PLCL1: variants seen among roughly 807,000 people sequenced by gnomAD.
PLCL1 encodes the protein phospholipase C like 1 (inactive).
Under a neutral mutation model 84.4 loss-of-function variants are expected in PLCL1, and 41 were observed. The ratio of observed to expected loss-of-function variants is 0.49; its 90% CI spans 0.38 to 0.63. The LOEUF is 0.63. Among genes scored for constraint, PLCL1 ranks in the 30% least tolerant of loss-of-function variants. PLCL1 has a pLI of 0.00. For synonymous variants in PLCL1, 490 were observed against 488.3 expected, an observed-to-expected ratio of 1.00 and a Z score of -0.05; for missense variants, 1,206 against 1,367.8, an observed-to-expected ratio of 0.88 and a Z score of 1.87.
intron 1 of PLCL1, among the ~76,000 whole-genome samples, chr2:198,060,994 A>G (rs980156649): frequency 3.3e-5 from 5 of 152,186 alleles, no homozygotes; most frequent in South Asian, 2.1e-4. Flanking sequence ...GGAACTTTCT[A>G]TTTAACTTTT....
At chr2:197,924,759 G>C (rs561417080) in intron 1 of PLCL1, among the ~76,000 whole-genome samples, 10 of 151,936 alleles carry the variant, frequency 6.6e-5, no homozygotes, top group Admixed American at 5.3e-4. Flanking sequence ...GAGTAGGAAC[G>C]TATTCATTAT....
At chr2:197,886,668 C>T (rs931559156) in intron 1 of PLCL1, among the ~76,000 whole-genome samples, 10 of 152,006 alleles carry the variant, frequency 6.6e-5, no homozygotes, top group African/African-American at 2.4e-4. Flanking sequence ...TTCTAGGTCC[C>T]TGGGGGAACA....
At chr2:197,916,969 C>A (rs1373642672) in intron 1 of PLCL1, among the ~76,000 whole-genome samples, 1 of 152,136 alleles carries the variant, frequency 6.6e-6, no homozygotes, top group Non-Finnish European at 1.5e-5. Flanking sequence ...CACTGTACAC[C>A]TATTAGAATG....
intron 1 of PLCL1, among the ~76,000 whole-genome samples, chr2:198,034,032 C>T (rs993802224): frequency 2.0e-5 from 3 of 152,122 alleles, no homozygotes; most frequent in Admixed American, 1.3e-4. Flanking sequence ...TTCTAGGGTA[C>T]GTGTGCACAA....
chr2:197,993,355 T>G (rs1690383340), intron 1 of PLCL1, among the ~76,000 whole-genome samples: 1 of 152,100 alleles, frequency 6.6e-6, no homozygotes, highest in East Asian at 1.9e-4. Flanking sequence ...CTAATTAGAT[T>G]GTTTGTTTTT....
chr2:197,997,795 T>G (rs1268807212), intron 1 of PLCL1, among the ~76,000 whole-genome samples: 1 of 152,176 alleles, frequency 6.6e-6, no homozygotes, highest in Non-Finnish European at 1.5e-5. Context: ...GGGCCTTACC[T>G]TGTGGCCCAT....
intron 5 of PLCL1, among the ~76,000 whole-genome samples, chr2:198,133,943 A>G (rs1694190354): frequency 6.6e-6 from 1 of 152,164 alleles, no homozygotes; most frequent in African/African-American, 2.4e-5. Flanking sequence ...TTTGGGGTTA[A>G]TAAGAGTATT....
At chr2:198,057,857 A>G (rs890949678) in intron 1 of PLCL1, among the ~76,000 whole-genome samples, 25 of 152,252 alleles carry the variant, frequency 1.6e-4, no homozygotes, top group African/African-American at 5.8e-4. Flanking sequence ...AGAGAAGTAT[A>G]GTTTCCTAAA....
At chr2:197,808,837 TACTTTTTTTCAAC>T (rs1456079800) in intron 1 of PLCL1, among the ~76,000 whole-genome samples, 1 of 152,232 alleles carries the variant, frequency 6.6e-6, no homozygotes. Flanking sequence ...TGACGGGTTC[TACTTTTTTTCAAC>T]TTCCTTTTGT....
intron 1 of PLCL1, among the ~76,000 whole-genome samples, chr2:197,928,140 AT>A (rs1251102622): frequency 1.3e-5 from 2 of 152,110 alleles, no homozygotes. Context: ...TCAAGTTTCA[AT>A]TTTTCCTTTT....
At chr2:198,095,287 C>A (rs542130897) in intron 3 of PLCL1, among the ~76,000 whole-genome samples, 5 of 152,272 alleles carry the variant, frequency 3.3e-5, no homozygotes, top group African/African-American at 1.2e-4. Flanking sequence ...TGGATTTTTA[C>A]TTTCTCTGGA....
intron 1 of PLCL1, among the ~76,000 whole-genome samples, chr2:198,073,103 T>A (rs1258644927): frequency 1.3e-5 from 2 of 152,202 alleles, no homozygotes; most frequent in Non-Finnish European, 1.5e-5. Context: ...TAATCTCTAA[T>A]CCAATACTTT....
intron 1 of PLCL1, among the ~76,000 whole-genome samples, chr2:198,077,307 A>C (rs1279400579): frequency 6.6e-6 from 1 of 152,182 alleles, no homozygotes; most frequent in African/African-American, 2.4e-5. Context: ...CACGTTGTGC[A>C]CATGTACCCT....
intron 3 of PLCL1, 65 bp from the exon 4 acceptor site, chr2:198,101,220 C>A: frequency 2.2e-6 from 2 of 916,366 alleles, no homozygotes; most frequent in Non-Finnish European, 3.6e-6. Flanking sequence ...CTCTGTATGT[C>A]GTCTTCCCAA....
Position 198,084,156 on chromosome 2 carries a change from C to G in PLCL1, c.639C>G (p.Ile213Met). Residue 213 changes from isoleucine (I) to methionine (M), a missense_variant, in exon 2 of 6, where the codon ATC (isoleucine) becomes ATG (methionine). By Grantham distance (10) the Ile-to-Met change is conservative. Transcript: ENST00000428675. ...LVANSADVAN[I>M]WVSGLRYLVS... ...CCAATTCAGCAGATGTGGCAAACAT[C>G]TGGGTGTCTGGGTTACGGTACCTGG... 1 of 1,614,140 alleles carries G rather than the reference C, an allele frequency of 6.2e-7. No homozygotes were observed.
intron 1 of PLCL1, among the ~76,000 whole-genome samples, chr2:197,814,749 T>A (rs193297425): frequency 6.7e-4 from 102 of 152,268 alleles, no homozygotes; most frequent in Admixed American, 1.5e-3. Context: ...AGGAAGCATA[T>A]GAATGATAAG....
chr2:198,084,711 A>T lies in PLCL1; in HGVS notation c.1194A>T (p.Gln398His), dbSNP rs1206901280. 1.2e-6 allele frequency: 2 copies of T among 1,614,120 alleles called. 1 individual carries two copies. The highest frequency in any genetic ancestry group is 2.2e-5 in the South Asian group (2 of 91,080). ...IFDPEQKKVA[Q>H]DMTQPLSHYY... ...ATCCTGAGCAAAAGAAGGTTGCCCA[A>T]GATATGACCCAGCCATTATCTCACT... The change falls in exon 2 of 6, where the codon CAA becomes CAT. Residue 398 changes from glutamine (Q) to histidine (H), a missense_variant. Physicochemically the swap from Gln to His is conservative, Grantham distance 24. Coordinates refer to ENST00000428675, the MANE Select transcript of PLCL1 (RefSeq NM_006226.4).
chr2:198,046,222 G>A (rs953623403), intron 1 of PLCL1, among the ~76,000 whole-genome samples: 18 of 152,084 alleles, frequency 1.2e-4, no homozygotes, highest in African/African-American at 4.3e-4. Flanking sequence ...TCTAGACTGC[G>A]AAGCCTAAAA....
intron 1 of PLCL1, among the ~76,000 whole-genome samples, chr2:197,900,485 C>A (rs1688243531): frequency 1.3e-5 from 2 of 152,030 alleles, no homozygotes. Context: ...AATATATTGT[C>A]CAAGAGTATA....
Sources: allele counts gnomAD v4.1 joint callset (sites outside exome capture counted in the v4.1 genomes callset), GRCh38; gene constraint gnomAD v4.1.1; transcripts MANE v1.5; gene names NCBI Gene and HGNC (gene_info 2026-07-23, HGNC 2026-07-21).